The following SH2D7 variants were observed in gnomAD, a reference collection of about 807,000 sequenced individuals.
SH2D7 encodes the protein SH2 domain-containing protein 7.
SH2D7 carries 32 observed loss-of-function variants against 40.8 expected under a neutral mutation model. The observed-to-expected ratio is 0.78, with a 90% CI of 0.59 to 1.05. The LOEUF is 1.05. SH2D7 is among the 50% of genes least tolerant of loss of function. SH2D7 has a pLI of 0.00. For missense variants in SH2D7, 559 were observed against 566.6 expected, an observed-to-expected ratio of 0.99 and a Z score of 0.14; for synonymous variants, 195 against 221.5, an observed-to-expected ratio of 0.88 and a Z score of 1.06.
chr15:78,098,203 C>A (rs1023049750), intron 3 of SH2D7, 109 bp downstream of exon 3: 7 of 1,441,430 alleles, frequency 4.9e-6, no homozygotes, highest in Non-Finnish European at 6.5e-6. Flanking sequence ...TTACTATCAC[C>A]CAGGGGCACT....
In SH2D7 at chr15:78,101,552, A is replaced by G. The variant is rs370929222; in HGVS notation, c.1299A>G (p.Thr433=). Residue 433 remains threonine (T), a synonymous_variant, in exon 5 of 6, where the codon ACA becomes ACG. Transcript: ENST00000328828. ...PATKSKETGR[T]HKPDKLRRLF... The stretch of plus-strand genomic sequence containing the variant: ...CCAAGAGCAAGGAGACTGGACGGAC[A>G]CACAAGGTGAGCTCCATGATGGGGT... The G allele has an allele frequency of 5.9e-5, 94 of 1,579,842 alleles. No individual in the cohort carries two copies. Among genetic ancestry groups the G allele is most frequent in the Non-Finnish European group, 7.3e-5 (85 of 1,163,940 alleles).
rs1404208331 is a variant in SH2D7, at chr15:78,101,175, C to T, written c.922C>T (p.Pro308Ser). Residue 308 changes from proline to serine, a missense_variant, in exon 5 of 6, where the codon CCC (proline) becomes TCC (serine). Coordinates refer to ENST00000328828, the MANE Select transcript of SH2D7 (RefSeq NM_001101404.2). ...TTCTGGGGTGAGCCCAGACCAGGGT[C>T]CCACAGAGTCTCCCACTTCCTGGGG... ...VLSGVSPDQG[P>S]TESPTSWGCS... 1.9e-6 allele frequency: 3 copies of T among 1,581,776 alleles called. No homozygotes were observed. Among genetic ancestry groups the T allele is most frequent in the Non-Finnish European group, 2.6e-6 (3 of 1,166,240 alleles).
upstream of SH2D7, among the ~76,000 whole-genome samples, chr15:78,091,642 A>G (rs982961467): frequency 6.6e-6 from 1 of 152,180 alleles, no homozygotes; most frequent in African/African-American, 2.4e-5. Flanking sequence ...GTGTGAACAA[A>G]TGGTCCCATT....
In SH2D7 at chr15:78,097,954, G is replaced by C. The variant is rs2073983700; in HGVS notation, c.292G>C (p.Val98Leu). ...GGGCAGTGATCGCTGCCGACATTTT[G>C]TCATCAACCAGCTTCGAAACCGGCG... The part of the protein sequence containing the change: ...YRGSDRCRHF[V>L]INQLRNRRYI... The change falls in exon 3 of 6, where the codon GTC (valine) becomes CTC (leucine). Residue 98 changes from valine to leucine, a missense_variant. Val to Leu is a conservative substitution (Grantham distance 32). Coordinates refer to ENST00000328828, the MANE Select transcript of SH2D7 (RefSeq NM_001101404.2). The C allele has an allele frequency of 2.5e-6, 4 of 1,612,168 alleles. No homozygotes were observed. The highest frequency in any genetic ancestry group is 3.4e-6 in the Non-Finnish European group (4 of 1,179,170).
chr15:78,098,620 A>G (rs1357885803), intron 4 of SH2D7, 24 bp downstream of exon 4: 3 of 1,605,788 alleles, frequency 1.9e-6, no homozygotes, highest in Admixed American at 1.7e-5. Context: ...TGGGCCACCT[A>G]GAGTCAGGGT....
chr15:78,094,328 A>G (rs2073957508), intron 2 of SH2D7, 127 bp downstream of exon 2: 2 of 776,300 alleles, frequency 2.6e-6, no homozygotes, highest in South Asian at 1.7e-5. Flanking sequence ...GAATCCCTCA[A>G]TCATCCATCA....
At chr15:78,095,176 T>C (rs2073963487) in intron 2 of SH2D7, among the ~76,000 whole-genome samples, 1 of 152,254 alleles carries the variant, frequency 6.6e-6, no homozygotes, top group Non-Finnish European at 1.5e-5. Context: ...TTGATGAAAG[T>C]GTGCAATCAG....
upstream of SH2D7, chr15:78,092,499 G>A (rs542397284): frequency 1.0e-4 from 148 of 1,421,282 alleles, 1 homozygote; most frequent in Non-Finnish European, 1.2e-4. Context: ...GGTAGGGCAC[G>A]GGCTCAGGCA....
chr15:78,098,518 G>A lies in SH2D7; in HGVS notation c.567G>A (p.Lys189=), dbSNP rs750795438. 42 of 1,613,878 alleles carry A rather than the reference G, an allele frequency of 2.6e-5. No individual in the cohort carries two copies. The highest frequency in any genetic ancestry group is 3.2e-5 in the Non-Finnish European group (38 of 1,179,888). Residue 189 remains lysine, a synonymous_variant, in exon 4 of 6, where the codon AAG becomes AAA. Transcript: ENST00000328828. ...CCGCCAGCCCCCGCTCTTCTCCAAAGCCCCAGGTCTCCTTCCTCCATGCAC... is the reference window on the plus strand; with the variant it reads ...CCGCCAGCCCCCGCTCTTCTCCAAAACCCCAGGTCTCCTTCCTCCATGCAC... ...DKAASPRSSP[K]PQVSFLHAQK... is the part of the protein sequence containing the mutation.
Position 78,100,924 on chromosome 15 carries a change from C to T in SH2D7, c.671C>T (p.Pro224Leu). The T allele has an allele frequency of 6.2e-7, 1 of 1,613,776 alleles. No homozygotes were observed. Among genetic ancestry groups the T allele is most frequent in the Non-Finnish European group, 8.5e-7 (1 of 1,179,854 alleles). Residue 224 changes from proline to leucine, a missense_variant, in exon 5 of 6, where the codon CCT becomes CTT. Coordinates refer to ENST00000328828, the MANE Select transcript of SH2D7 (RefSeq NM_001101404.2). ...MEAPIRVSPL[P>L]EKSSSLLEES... ...GCTCCCATCAGAGTGTCTCCACTCCCTGAGAAGAGTTCCTCCCTCCTGGAA... is the reference window on the plus strand; with the variant it reads ...GCTCCCATCAGAGTGTCTCCACTCCTTGAGAAGAGTTCCTCCCTCCTGGAA...
rs767355770 is a variant in SH2D7 at position 78,098,034 on chromosome 15, C to T, written c.372C>T (p.His124=). 3 of 1,613,982 alleles carry T rather than the reference C, an allele frequency of 1.9e-6. No individual in the cohort carries two copies. The highest frequency in any genetic ancestry group is 1.3e-5 in the African/African-American group (1 of 75,042). Residue 124 remains histidine, a synonymous_variant, in exon 3 of 6, where the codon CAC becomes CAT. Transcript: ENST00000328828. ...QSHSTLAELV[H]HYQEAQLEPF... The stretch of plus-strand genomic sequence containing the variant: ...ACAGCACCCTGGCTGAGCTTGTGCA[C>T]CATTACCAGGAGGCACAGCTCGAGC...
chr15:78,098,877 C>T (rs1021726270), intron 4 of SH2D7, among the ~76,000 whole-genome samples: 1 of 152,240 alleles, frequency 6.6e-6, no homozygotes, highest in Non-Finnish European at 1.5e-5. Context: ...TTTACCATGC[C>T]TGAGGTTCTT....
chr15:78,095,273 T>G (rs1348853597), intron 2 of SH2D7, among the ~76,000 whole-genome samples: 1 of 152,242 alleles, frequency 6.6e-6, no homozygotes, highest in East Asian at 1.9e-4. Context: ...ATATTTTTAT[T>G]CTGTGTGCCA....
rs764469836 is a variant in SH2D7 at position 78,098,090 on chromosome 15, C to A, written c.428C>A (p.Pro143His). Residue 143 changes from proline (P) to histidine (H), a missense_variant, in exon 3 of 6, where the codon CCC becomes CAC. Physicochemically the swap from Pro to His is moderately conservative, Grantham distance 77. Transcript: ENST00000328828. ...AAAGAGATGCTGACTGCTGCCTGCCCCCGGGTAGGCGCCCCACTTCCCCAG... is the reference window on the plus strand; with the variant it reads ...AAAGAGATGCTGACTGCTGCCTGCCACCGGGTAGGCGCCCCACTTCCCCAG... ...PFKEMLTAAC[P>H]RPEDNDLYDA... 6.7e-5 allele frequency: 107 copies of A among 1,606,034 alleles called. No homozygotes were observed. The highest frequency in any genetic ancestry group is 8.9e-5 in the Non-Finnish European group (105 of 1,175,794).
At position 78,103,711 on chromosome 15, in the gene SH2D7, G is replaced by A. The variant is rs1407653473; in HGVS notation, c.*196G>A. 3.3e-6 allele frequency: 2 copies of A among 607,876 alleles called. No individual in the cohort carries two copies. Among genetic ancestry groups the A allele is most frequent in the Non-Finnish European group, 5.7e-6 (2 of 351,518 alleles). 37.7% of individuals were successfully genotyped at this position (607,876 alleles called of 1,614,324 possible). A position where few individuals can be genotyped will look rare whatever the true frequency, so the allele number is the denominator to read the frequency against. ...GAAGAGGACCTTGCAGGTGCCTGCA[G>A]CTCCTGGCTATGTCCTGCTTTCCTT... On this transcript the variant is annotated 3_prime_UTR_variant, in exon 6 of 6. Transcript: ENST00000328828.
intron 2 of SH2D7, among the ~76,000 whole-genome samples, chr15:78,095,834 T>A (rs1013149002): frequency 6.6e-6 from 1 of 151,958 alleles, no homozygotes; most frequent in Non-Finnish European, 1.5e-5. Context: ...TTTTTTAAAA[T>A]TTATTTATTT....
At chr15:78,090,355 C>T (rs537498301), upstream of SH2D7, among the ~76,000 whole-genome samples, 14 of 152,218 alleles carry the variant, frequency 9.2e-5, no homozygotes, top group Admixed American at 3.9e-4. Context: ...TTGCAGTGAA[C>T]GGAGATCGTG....
rs554286654 is a variant in SH2D7, at chr15:78,097,052, GA to G, written c.267-869del. 2.6e-5 allele frequency among the ~76,000 whole-genome samples: 4 copies of G among 151,832 alleles called. No individual in the cohort carries two copies. In the South Asian group the frequency reaches 8.3e-4, roughly 31 times the overall value. ...TAACTAGAATACTACATATAAATGAGAAAAAAAAGAAACTAATTCTACTTGG... is the reference window on the plus strand; with the variant it reads ...TAACTAGAATACTACATATAAATGAGAAAAAAAGAAACTAATTCTACTTGG... On this transcript the variant is annotated intron_variant, in intron 2 of 5. Transcript: ENST00000328828.
intron 2 of SH2D7, among the ~76,000 whole-genome samples, chr15:78,095,999 C>T (rs2073970001): frequency 6.6e-6 from 1 of 152,114 alleles, no homozygotes; most frequent in African/African-American, 2.4e-5. Flanking sequence ...CACGCCACCA[C>T]ACCCAGCTAA....
Sources: allele counts gnomAD v4.1 joint callset (sites outside exome capture counted in the v4.1 genomes callset), GRCh38; gene constraint gnomAD v4.1.1; transcripts MANE v1.5; gene names NCBI Gene and HGNC (gene_info 2026-07-23, HGNC 2026-07-21).